The following GORAB variants were observed in gnomAD, a reference collection of about 807,000 sequenced individuals.
GORAB encodes RAB6-interacting golgin.
GORAB carries 17 observed loss-of-function variants against 29.9 expected under a neutral mutation model. The ratio of observed to expected loss-of-function variants is 0.57; its 90% CI spans 0.39 to 0.85. The LOEUF (loss-of-function observed/expected upper bound fraction) is 0.85. GORAB is among the 40% of genes least tolerant of loss of function. The probability of loss-of-function intolerance (pLI) is 0.00; values close to 1 mark genes in which losing one functional copy is unlikely to be tolerated. For synonymous variants in GORAB, 183 were observed against 157.2 expected (o/e 1.16, Z -1.23); for missense variants, 442 against 437.8 (o/e 1.01, Z -0.09).
chr1:170,541,143 G>C (rs886948834), intron 2 of GORAB, among the ~76,000 whole-genome samples: 2 of 138,862 alleles, frequency 1.4e-5, no homozygotes, highest in African/African-American at 5.3e-5. Context: ...GGTGGACGTT[G>C]CAGTGAGCCA....
At chr1:170,550,771 A>G (rs914458803) in intron 4 of GORAB, among the ~76,000 whole-genome samples, 15 of 152,260 alleles carry the variant, frequency 9.9e-5, no homozygotes, top group African/African-American at 3.1e-4. Flanking sequence ...GTAAAGCAGC[A>G]TGGCCTTCAC....
At chr1:170,534,827 A>G (rs1014034872) in intron 1 of GORAB, among the ~76,000 whole-genome samples, 4 of 152,202 alleles carry the variant, frequency 2.6e-5, no homozygotes, top group Admixed American at 1.3e-4. Flanking sequence ...CTTAGAATGT[A>G]TCCCTTTGTT....
Position 170,552,793 on chromosome 1 carries a change from A to G in GORAB, c.*331A>G. Reference sequence around the variant, plus strand: ...ATAAATATAGAAAAGTAAAATGGAAAATGATACTCAATACCTAGTTAAACT... The same window carrying G: ...ATAAATATAGAAAAGTAAAATGGAAGATGATACTCAATACCTAGTTAAACT... On this transcript the variant is annotated 3_prime_UTR_variant, in exon 5 of 5. Coordinates refer to ENST00000367763, the MANE Select transcript of GORAB (RefSeq NM_152281.3). 2.2e-6 allele frequency: 1 copy of G among 460,164 alleles called. No homozygotes were observed. Among genetic ancestry groups the G allele is most frequent in the Non-Finnish European group, 4.3e-6 (1 of 231,046 alleles). The allele number at this position is 460,164 out of a possible 1,614,324, so 28.5% of individuals were successfully genotyped here.
chr1:170,541,960 AAAAG>A (rs1490600701), intron 2 of GORAB, among the ~76,000 whole-genome samples: 3 of 152,322 alleles, frequency 2.0e-5, no homozygotes, highest in South Asian at 2.1e-4. Context: ...CAAAAAGGAA[AAAAG>A]AAAGACAAAA....
intron 2 of GORAB, 73 bp from the exon 3 acceptor site, chr1:170,542,418 G>A: frequency 3.5e-6 from 3 of 848,288 alleles, no homozygotes; most frequent in Admixed American, 3.6e-5. Flanking sequence ...GACTGAGACT[G>A]GTAAGGTGTT....
chr1:170,552,403 C>T lies in GORAB; in HGVS notation c.1051C>T (p.Leu351Phe). Residue 351 changes from leucine (L) to phenylalanine (F), a missense_variant, in exon 5 of 5, where the codon CTT (leucine) becomes TTT (phenylalanine). Coordinates refer to ENST00000367763, the MANE Select transcript of GORAB (RefSeq NM_152281.3). ...QCGNSSSIPF[L>F]SPNCPNQEGN... ...TGGAAATTCCAGTAGCATCCCCTTT[C>T]TTAGTCCAAACTGCCCAAATCAAGA... 1.2e-6 allele frequency: 2 copies of T among 1,614,088 alleles called. No homozygotes were observed. The highest frequency in any genetic ancestry group is 1.7e-6 in the Non-Finnish European group (2 of 1,179,938).
intron 4 of GORAB, among the ~76,000 whole-genome samples, chr1:170,548,020 T>C (rs1320842264): frequency 6.6e-6 from 1 of 152,262 alleles, no homozygotes; most frequent in Non-Finnish European, 1.5e-5. Flanking sequence ...TCTCTGCATT[T>C]GTATTAGTTT....
At chr1:170,535,326 G>A (rs1169246170) in intron 1 of GORAB, among the ~76,000 whole-genome samples, 1 of 152,162 alleles carries the variant, frequency 6.6e-6, no homozygotes, top group East Asian at 1.9e-4. Context: ...AAGACTGAGT[G>A]TGTGTGTTTA....
intron 4 of GORAB, among the ~76,000 whole-genome samples, chr1:170,545,988 A>T (rs1241534537): frequency 1.3e-5 from 2 of 152,236 alleles, no homozygotes; most frequent in African/African-American, 4.8e-5. Context: ...CTTGATTTGT[A>T]GCACATTTTA....
chr1:170,539,765 T>A (rs192943808), intron 2 of GORAB, 198 bp downstream of exon 2: 48 of 597,044 alleles, frequency 8.0e-5, no homozygotes, highest in Admixed American at 5.4e-4. Flanking sequence ...TCTGTATGTT[T>A]TATGTTCTTT....
At chr1:170,537,115 C>T (rs756402657) in intron 1 of GORAB, among the ~76,000 whole-genome samples, 1 of 151,820 alleles carries the variant, frequency 6.6e-6, no homozygotes, top group Non-Finnish European at 1.5e-5. Context: ...TTCCCTTCTT[C>T]CCTCCCTCCC....
chr1:170,537,177 AC>A (rs1030076959), intron 1 of GORAB, among the ~76,000 whole-genome samples: 3 of 148,772 alleles, frequency 2.0e-5, no homozygotes, highest in African/African-American at 7.5e-5. Flanking sequence ...TCCAATCTTT[AC>A]ATTTCTTTTA....
chr1:170,543,187 C>T (rs1223968600), intron 3 of GORAB, among the ~76,000 whole-genome samples: 1 of 152,190 alleles, frequency 6.6e-6, no homozygotes, highest in African/African-American at 2.4e-5. Flanking sequence ...TTCACATTTA[C>T]TGCATTGTAC....
At chr1:170,545,695 A>G in intron 4 of GORAB, 2 of 984,788 alleles carry the variant, frequency 2.0e-6, no homozygotes, top group Non-Finnish European at 1.2e-6. Context: ...TCATTAGGCC[A>G]GGGTAAACCA....
At position 170,552,799 on chromosome 1, in the gene GORAB, A is replaced by G. The variant is rs112226389; in HGVS notation, c.*337A>G. 336 of 459,390 alleles carry G rather than the reference A, an allele frequency of 7.3e-4. No individual in the cohort carries two copies. The highest frequency in any genetic ancestry group is 6.4e-3 in the African/African-American group (322 of 50,352). 28.5% of individuals were successfully genotyped at this position (459,390 alleles called of 1,614,324 possible). ...ATAGAAAAGTAAAATGGAAAATGAT[A>G]CTCAATACCTAGTTAAACTCATTTC... On this transcript the variant is annotated 3_prime_UTR_variant, in exon 5 of 5. Coordinates refer to ENST00000367763, the MANE Select transcript of GORAB (RefSeq NM_152281.3).
intron 1 of GORAB, among the ~76,000 whole-genome samples, chr1:170,532,899 C>G (rs1163050533): frequency 6.6e-6 from 1 of 152,170 alleles, no homozygotes; most frequent in Non-Finnish European, 1.5e-5. Flanking sequence ...TACAGTCTTA[C>G]TGACTTTGGA....
In GORAB at chr1:170,544,814, G is replaced by C. The variant is rs1431015813; in HGVS notation, c.631G>C (p.Asp211His). Reference sequence around the variant, plus strand: ...CATTGGAATTCTCAGGAACCGGATTGATCAGGCCAGCTTAGACTATTCATA... The same window carrying C: ...CATTGGAATTCTCAGGAACCGGATTCATCAGGCCAGCTTAGACTATTCATA... ...ADIGILRNRI[D>H]QASLDYSYAR... The change falls in exon 4 of 5, where the codon GAT (aspartate) becomes CAT (histidine). Residue 211 changes from aspartate (D) to histidine (H), a missense_variant. Transcript: ENST00000367763. The C allele has an allele frequency of 4.3e-6, 7 of 1,614,066 alleles. No homozygotes were observed. The highest frequency in any genetic ancestry group is 5.9e-6 in the Non-Finnish European group (7 of 1,179,936).
rs766291965 is a variant in GORAB, at chr1:170,544,828, A to G, written c.645A>G (p.Leu215=). Residue 215 remains leucine, a synonymous_variant, in exon 4 of 5, where the codon TTA becomes TTG. Transcript: ENST00000367763. ...GGAACCGGATTGATCAGGCCAGCTT[A>G]GACTATTCATACGCTCGGTGAGTTG... ...ILRNRIDQAS[L]DYSYARKRFD... is the part of the protein sequence containing the mutation. 1.4e-5 allele frequency: 22 copies of G among 1,612,782 alleles called. No individual in the cohort carries two copies. Among genetic ancestry groups the G allele is most frequent in the East Asian group, 2.2e-5 (1 of 44,844 alleles).
At chr1:170,547,350 T>C (rs1217552928) in intron 4 of GORAB, among the ~76,000 whole-genome samples, 1 of 151,830 alleles carries the variant, frequency 6.6e-6, no homozygotes, top group African/African-American at 2.4e-5. Context: ...AGTGTTTGGA[T>C]AGACACCTCT....
Sources: allele counts gnomAD v4.1 joint callset (sites outside exome capture counted in the v4.1 genomes callset), GRCh38; gene constraint gnomAD v4.1.1; transcripts MANE v1.5; gene names NCBI Gene and HGNC (gene_info 2026-07-23, HGNC 2026-07-21).